The following SAMD11 variants were observed in gnomAD, a reference collection of about 807,000 sequenced individuals.
The protein encoded by SAMD11 is sterile alpha motif domain-containing protein 11.
In SAMD11, 77 loss-of-function variants were observed where a neutral mutation model predicts 64.4. The observed-to-expected ratio is 1.20, with a 90% CI of 0.99 to 1.44. The LOEUF is 1.44. Among genes scored for constraint, SAMD11 ranks in the 40% most tolerant of loss-of-function variants. The pLI is 0.00. For synonymous variants in SAMD11, 658 were observed against 421.9 expected (o/e 1.56, Z -6.86); for missense variants, 1,402 against 943.3 (o/e 1.49, Z -6.37).
rs1405049466 is a variant in SAMD11 at position 926,070 on chromosome 1, C to G, written c.609+57C>G. 5 of 1,546,080 alleles carry G rather than the reference C, an allele frequency of 3.2e-6. No homozygotes were observed. The East Asian group carries it at 6.7e-5, about 21-fold the overall frequency. Reference sequence around the variant, plus strand: ...TTACTCTCCCCTGCGGAGCTTGTCCCTGCGGTTTTCAGGGTTTTCAGGATC... The same window carrying G: ...TTACTCTCCCCTGCGGAGCTTGTCCGTGCGGTTTTCAGGGTTTTCAGGATC... On this transcript the variant is annotated intron_variant, in intron 2 of 13. Coordinates refer to ENST00000616016, the MANE Select transcript of SAMD11 (RefSeq NM_001385641.1).
In SAMD11 at chr1:942,508, C is replaced by T. The variant is rs769584656; in HGVS notation, c.1553+20C>T. 9.1e-5 allele frequency: 131 copies of T among 1,445,916 alleles called. 2 individuals carry two copies. In the Middle Eastern group the frequency reaches 1.7e-3, roughly 19 times the overall value. The allele number at this position is 1,445,916 out of a possible 1,614,324, so 89.6% of individuals were successfully genotyped here. ...GGCCCGGTAGGTGCGGGGAGGCGGGCGGGGCCGCGCGGCCCGGGAGGCGGC... is the reference window on the plus strand; with the variant it reads ...GGCCCGGTAGGTGCGGGGAGGCGGGTGGGGCCGCGCGGCCCGGGAGGCGGC... On this transcript the variant is annotated intron_variant, in intron 10 of 13. Coordinates refer to ENST00000616016, the MANE Select transcript of SAMD11 (RefSeq NM_001385641.1).
chr1:943,158 AT>A, intron 11 of SAMD11, 94 bp from the exon 12 acceptor site: 1 of 1,592,890 alleles, frequency 6.3e-7, no homozygotes, highest in Non-Finnish European at 8.5e-7. Context: ...TTAGGCACCC[AT>A]CCCCCACCTC....
In SAMD11 at chr1:941,290, C is replaced by T; in HGVS notation, c.1342C>T (p.Pro448Ser). The change falls in exon 8 of 14, where the codon CCG becomes TCG. Residue 448 changes from proline to serine, a missense_variant. Pro to Ser is a moderately conservative substitution (Grantham distance 74). Transcript: ENST00000616016. ...HREGAAPAAA[P>S]SFSERELPQP... ...GGAGGGCGCCGCCCCAGCTGCCGCC[C>T]CGTCCTTCTCGGAGAGGTACTGGGG... 6.3e-7 allele frequency: 1 copy of T among 1,590,480 alleles called. No homozygotes were observed. Among genetic ancestry groups the T allele is most frequent in the Non-Finnish European group, 8.6e-7 (1 of 1,168,930 alleles).
chr1:943,297 C>G lies in SAMD11; in HGVS notation c.2098C>G (p.Pro700Ala). 1 of 1,612,558 alleles carries G rather than the reference C, an allele frequency of 6.2e-7. No individual in the cohort carries two copies. Among genetic ancestry groups the G allele is most frequent in the South Asian group, 1.1e-5 (1 of 91,052 alleles). ...LSMDGEEAPA[P>A]EDVTKWTVDD... Reference sequence around the variant, plus strand: ...CATGGATGGGGAGGAGGCCCCAGCCCCTGAGGACGTCACCAAGTGGACCGT... The same window carrying G: ...CATGGATGGGGAGGAGGCCCCAGCCGCTGAGGACGTCACCAAGTGGACCGT... The change falls in exon 12 of 14, where the codon CCT (proline) becomes GCT (alanine). Residue 700 changes from proline to alanine, a missense_variant. By Grantham distance (27) the Pro-to-Ala change is conservative. Coordinates refer to ENST00000616016, the MANE Select transcript of SAMD11 (RefSeq NM_001385641.1).
Position 942,606 on chromosome 1 carries a change from C to G in SAMD11, c.1601C>G (p.Ala534Gly). 1.4e-6 allele frequency: 2 copies of G among 1,436,358 alleles called. No homozygotes were observed. Among genetic ancestry groups the G allele is most frequent in the Non-Finnish European group, 1.8e-6 (2 of 1,102,376 alleles). 89.0% of individuals were successfully genotyped at this position (1,436,358 alleles called of 1,614,324 possible). The change falls in exon 11 of 14, where the codon GCG (alanine) becomes GGG (glycine). Residue 534 changes from alanine to glycine, a missense_variant. Coordinates refer to ENST00000616016, the MANE Select transcript of SAMD11 (RefSeq NM_001385641.1). ...CTGCGGCAGAAGGAGCTGGAGAGCG[C>G]GCGCCCACAGCTGCTGGCGCCCGAG... ...DLLRQKELESARPQLLAPETA... is the reference protein window; with the variant it reads ...DLLRQKELESGRPQLLAPETA...
rs994896374 is a variant in SAMD11, at chr1:942,457, C to T, written c.1522C>T (p.Gln508Ter). 2.0e-6 allele frequency: 3 copies of T among 1,487,908 alleles called. No individual in the cohort carries two copies. The highest frequency in any genetic ancestry group is 1.5e-5 in the African/African-American group (1 of 68,818). The allele number at this position is 1,487,908 out of a possible 1,614,324, so 92.2% of individuals were successfully genotyped here. Residue 508 changes from glutamine to a stop codon, truncating the protein, a stop_gained, in exon 10 of 14, where the codon CAG (glutamine) becomes TAG (stop). Transcript: ENST00000616016. LOFTEE classifies it high-confidence loss of function. ...GCAGGCGGAGATGTTCGCCTGGCAG[C>T]AGGAGCTCCTGCGGAAGCAGAACCT... ...PAQAEMFAWQ[Q>*]ELLRKQNLAR...
At chr1:941,094 A>T in intron 7 of SAMD11, 50 bp from the exon 8 acceptor site, 1 of 1,501,962 alleles carries the variant, frequency 6.7e-7, no homozygotes, top group Non-Finnish European at 9.1e-7. Flanking sequence ...CGGGCTGGGG[A>T]GGATGAGGGC....
chr1:928,121 T>A (rs28649395), intron 2 of SAMD11, among the ~76,000 whole-genome samples: 1 of 152,050 alleles, frequency 6.6e-6, no homozygotes, highest in East Asian at 1.9e-4. Context: ...AGGCCGGGTG[T>A]GGTGGCGCAT....
chr1:936,110 G>T (rs1442460178), intron 5 of SAMD11, among the ~76,000 whole-genome samples: 1 of 152,240 alleles, frequency 6.6e-6, no homozygotes, highest in African/African-American at 2.4e-5. Flanking sequence ...CTGCCGCTGG[G>T]GTGGGCTTGG....
At chr1:943,676 C>T (rs781336578) in intron 12 of SAMD11, 22 bp from the exon 13 acceptor site, 2 of 1,528,464 alleles carry the variant, frequency 1.3e-6, no homozygotes, top group Non-Finnish European at 1.8e-6. Flanking sequence ...GGGTCCTGAC[C>T]CTCCCTCCCT....
At chr1:941,739 T>C (rs1569911090) in intron 8 of SAMD11, among the ~76,000 whole-genome samples, 1 of 150,616 alleles carries the variant, frequency 6.6e-6, no homozygotes, top group Non-Finnish European at 1.5e-5. Context: ...GCGGGGCGCC[T>C]GGAGAAGGGA....
rs774083364 is a variant in SAMD11, at chr1:931,034, T to C, written c.792-5T>C. 6 of 1,612,386 alleles carry C rather than the reference T, an allele frequency of 3.7e-6. No individual in the cohort carries two copies. Among genetic ancestry groups the C allele is most frequent in the Non-Finnish European group, 5.1e-6 (6 of 1,179,238 alleles). ...AACATGGACCTTCTGCTTCCCTTCC[T>C]GCAGAGTCCACACCCACTGGGACGT... On this transcript the variant is annotated splice_polypyrimidine_tract_variant and splice_region_variant and intron_variant, in intron 3 of 13. Transcript: ENST00000616016.
chr1:929,036 G>A (rs750948124), intron 2 of SAMD11, among the ~76,000 whole-genome samples: 4 of 152,196 alleles, frequency 2.6e-5, no homozygotes, highest in Admixed American at 6.5e-5. Flanking sequence ...GCCACCTCCC[G>A]GAGCCAGCGG....
Position 939,358 on chromosome 1 carries a change from G to GC in SAMD11, c.1143dup (p.Ser382GlnfsTer4), listed in dbSNP as rs1449459220. ...CCGGCTTGTGTCAGCACTGAGCGAG[G>GC]CCAGCACCTTTGAGGACCCTCAGCG... On this transcript the variant is annotated frameshift_variant, in exon 7 of 14. Coordinates refer to ENST00000616016, the MANE Select transcript of SAMD11 (RefSeq NM_001385641.1). LOFTEE classifies it high-confidence loss of function. 6.2e-7 allele frequency: 1 copy of GC among 1,611,074 alleles called. No homozygotes were observed. Among genetic ancestry groups the GC allele is most frequent in the Non-Finnish European group, 8.5e-7 (1 of 1,179,820 alleles).
At chr1:925,511 T>C (rs1640839108) in intron 1 of SAMD11, among the ~76,000 whole-genome samples, 1 of 152,094 alleles carries the variant, frequency 6.6e-6, no homozygotes, top group Non-Finnish European at 1.5e-5. Context: ...GTTAAAAAGT[T>C]CGGGACCTGA....
intron 2 of SAMD11, 59 bp downstream of exon 2, chr1:926,072 G>C: frequency 6.5e-7 from 1 of 1,536,046 alleles, no homozygotes; most frequent in Non-Finnish European, 8.9e-7. Flanking sequence ...GCTTGTCCCT[G>C]CGGTTTTCAG....
chr1:941,264 G>A lies in SAMD11; in HGVS notation c.1316G>A (p.Arg439Gln), dbSNP rs1317088779. The change falls in exon 8 of 14, where the codon CGG becomes CAG. Residue 439 changes from arginine to glutamine, a missense_variant. By Grantham distance (43) the Arg-to-Gln change is conservative. Coordinates refer to ENST00000616016, the MANE Select transcript of SAMD11 (RefSeq NM_001385641.1). Reference sequence around the variant, plus strand: ...CGGAAGCAGGGCCTGGCTCAGCACCGGGAGGGCGCCGCCCCAGCTGCCGCC... The same window carrying A: ...CGGAAGCAGGGCCTGGCTCAGCACCAGGAGGGCGCCGCCCCAGCTGCCGCC... ...QRRKQGLAQH[R>Q]EGAAPAAAPS... The A allele has an allele frequency of 1.3e-6, 2 of 1,599,742 alleles. No individual in the cohort carries two copies. Among genetic ancestry groups the A allele is most frequent in the Non-Finnish European group, 1.7e-6 (2 of 1,173,816 alleles).
rs533003420 is a variant in SAMD11, at chr1:941,065, A to G, written c.1196-79A>G. 813 of 1,333,206 alleles carry G rather than the reference A, an allele frequency of 6.1e-4. 4 individuals carry two copies. The East Asian group carries it at 9.5e-3, about 16-fold the overall frequency. The allele number at this position is 1,333,206 out of a possible 1,614,324, so 82.6% of individuals were successfully genotyped here. ...AGTGGTGTGGTCAGTTCCCCACCTC[A>G]GTGTTCTACGCCAGGACGCGGGCTG... is the stretch of plus-strand genomic sequence containing the variant. On this transcript the variant is annotated intron_variant, in intron 7 of 13. Transcript: ENST00000616016.
intron 2 of SAMD11, among the ~76,000 whole-genome samples, chr1:929,901 G>A (rs754501152): frequency 2.5e-4 from 38 of 152,176 alleles, no homozygotes; most frequent in Non-Finnish European, 3.8e-4. Context: ...GCCCAACTGC[G>A]GCCCCGTCTC....
Sources: gnomAD v4.1 joint callset for allele counts (sites outside exome capture counted in the v4.1 genomes callset) on GRCh38, gnomAD v4.1.1 for gene constraint, MANE v1.5 for transcripts, NCBI Gene and HGNC (gene_info 2026-07-23, HGNC 2026-07-21) for gene names.